The following PTN variants were observed in gnomAD, a reference collection of about 807,000 sequenced individuals.
PTN encodes the protein pleiotrophin, also known as heparin affin regulatory protein.
Under a neutral mutation model 24.1 loss-of-function variants are expected in PTN, and 18 were observed. That is an observed-to-expected ratio of 0.75 (90% CI 0.52 to 1.11). The LOEUF (loss-of-function observed/expected upper bound fraction) is 1.11. Among genes scored for constraint, PTN ranks in the 50% least tolerant of loss-of-function variants. The pLI is 0.00. For missense variants in PTN, 163 were observed against 198.8 expected, an observed-to-expected ratio of 0.82 and a Z score of 1.08; for synonymous variants, 78 against 68.6, an observed-to-expected ratio of 1.14 and a Z score of -0.67.
intron 1 of PTN, among the ~76,000 whole-genome samples, chr7:137,315,605 T>C (rs1266609726): frequency 6.6e-6 from 1 of 152,182 alleles, no homozygotes; most frequent in Non-Finnish European, 1.5e-5. Flanking sequence ...AGGGGAGATC[T>C]AGCCGGATTC....
chr7:137,248,988 G>A (rs890530023), intron 4 of PTN, among the ~76,000 whole-genome samples: 1 of 151,986 alleles, frequency 6.6e-6, no homozygotes, highest in Non-Finnish European at 1.5e-5. Flanking sequence ...CAAGCTGAAA[G>A]CCTGAAACAA....
chr7:137,251,166 G>C, intron 4 of PTN, 64 bp downstream of exon 4: 1 of 1,550,246 alleles, frequency 6.5e-7, no homozygotes, highest in Admixed American at 1.7e-5. Context: ...GAAAATGTGG[G>C]TTTTCCAGAT....
rs1810296261 is a variant in PTN, at chr7:137,328,359, ATCAC to A, written c.-2+15076_-2+15079del. ...CAAGGCTCATGTAAAGGAATGACCT[ATCAC>A]TCACAACAGGCTGCAGGGCATGGAG... On this transcript the variant is annotated intron_variant, in intron 1 of 4. Transcript: ENST00000348225. 3.3e-5 allele frequency among the ~76,000 whole-genome samples: 5 copies of A among 152,336 alleles called. No homozygotes were observed. In the South Asian group the frequency reaches 1.0e-3, roughly 32 times the overall value.
At chr7:137,296,973 A>C (rs1029115962) in intron 1 of PTN, among the ~76,000 whole-genome samples, 2 of 152,074 alleles carry the variant, frequency 1.3e-5, no homozygotes, top group African/African-American at 2.4e-5. Context: ...TTGAATGCAC[A>C]AAAGATTCAA....
intron 1 of PTN, among the ~76,000 whole-genome samples, chr7:137,295,692 T>C (rs953341609): frequency 1.3e-5 from 2 of 152,112 alleles, no homozygotes; most frequent in African/African-American, 4.8e-5. Flanking sequence ...CATCTGTTTA[T>C]TTTTCCTTTT....
intron 1 of PTN, among the ~76,000 whole-genome samples, chr7:137,275,212 T>C (rs1313247147): frequency 6.6e-6 from 1 of 152,164 alleles, no homozygotes; most frequent in Non-Finnish European, 1.5e-5. Flanking sequence ...GGTTTAGACT[T>C]TGATAAGTAA....
chr7:137,274,492 C>A (rs1022364086), intron 1 of PTN, among the ~76,000 whole-genome samples: 1 of 151,986 alleles, frequency 6.6e-6, no homozygotes, highest in Non-Finnish European at 1.5e-5. Flanking sequence ...AGGTATTTCT[C>A]CTAATGTTGT....
chr7:137,335,719 T>C (rs1214657046), intron 1 of PTN, among the ~76,000 whole-genome samples: 3 of 152,174 alleles, frequency 2.0e-5, no homozygotes, highest in African/African-American at 7.2e-5. Flanking sequence ...GTGACTGGTA[T>C]GAACATGAAA....
chr7:137,266,538 CA>C (rs1266514614), intron 1 of PTN, among the ~76,000 whole-genome samples: 3 of 151,950 alleles, frequency 2.0e-5, no homozygotes, highest in South Asian at 2.1e-4. Context: ...TTATTACAAA[CA>C]TTTTTTTTTA....
chr7:137,233,367 A>G lies in PTN; in HGVS notation c.452-5292T>C, dbSNP rs951967030. Among the ~76,000 whole-genome samples, 16 of 151,952 alleles carry G rather than the reference A, an allele frequency of 1.1e-4. No homozygotes were observed. In the East Asian group the frequency reaches 2.9e-3, roughly 28 times the overall value. ...GGATAATAAAACCTATATCCTCCTC[A>G]GAGGGCCAGTGTTAGTATCATGTGA... is the stretch of plus-strand genomic sequence containing the variant. On this transcript the variant is annotated intron_variant, in intron 4 of 4. Coordinates refer to ENST00000348225, the MANE Select transcript of PTN (RefSeq NM_002825.7).
chr7:137,277,191 A>G (rs1809374679), intron 1 of PTN, among the ~76,000 whole-genome samples: 1 of 152,234 alleles, frequency 6.6e-6, no homozygotes, highest in Admixed American at 6.5e-5. Context: ...AAAGACGCCC[A>G]GTGCTATTAG....
chr7:137,324,890 T>C (rs1366760161), intron 1 of PTN: 1 of 152,174 alleles, frequency 6.6e-6, no homozygotes, highest in African/African-American at 2.4e-5. Flanking sequence ...AAATATTACA[T>C]GGATGTTAGC....
chr7:137,322,846 T>C (rs1288582840), intron 1 of PTN, among the ~76,000 whole-genome samples: 1 of 152,184 alleles, frequency 6.6e-6, no homozygotes, highest in Non-Finnish European at 1.5e-5. Flanking sequence ...AATCCAAGAA[T>C]CCATTAAAGT....
At chr7:137,304,857 A>G (rs1050124616) in intron 1 of PTN, among the ~76,000 whole-genome samples, 1 of 152,040 alleles carries the variant, frequency 6.6e-6, no homozygotes, top group African/African-American at 2.4e-5. Context: ...GACAGAAAAA[A>G]GGCATTTGCT....
chr7:137,312,338 G>A (rs1809995893), intron 1 of PTN, among the ~76,000 whole-genome samples: 1 of 152,202 alleles, frequency 6.6e-6, no homozygotes, highest in African/African-American at 2.4e-5. Flanking sequence ...TGCTTTACTT[G>A]CTTTTCTACC....
intron 1 of PTN, among the ~76,000 whole-genome samples, chr7:137,293,601 GACTTT>G (rs1809674279): frequency 6.6e-6 from 1 of 152,020 alleles, no homozygotes. Context: ...CTCATGTCCT[GACTTT>G]ACTTTTTTTA....
chr7:137,276,763 A>G (rs1318335369), intron 1 of PTN, among the ~76,000 whole-genome samples: 1 of 152,172 alleles, frequency 6.6e-6, no homozygotes, highest in East Asian at 1.9e-4. Flanking sequence ...ATACCAGTGC[A>G]CAGAGAACTT....
intron 1 of PTN, among the ~76,000 whole-genome samples, chr7:137,263,485 G>A (rs955737458): frequency 8.5e-5 from 13 of 152,166 alleles, no homozygotes; most frequent in South Asian, 2.1e-4. Context: ...GTTTCTTGCC[G>A]GGCCAGAATA....
chr7:137,247,699 G>A (rs1325138928), intron 4 of PTN, among the ~76,000 whole-genome samples: 1 of 152,110 alleles, frequency 6.6e-6, no homozygotes, highest in Admixed American at 6.5e-5. Context: ...TGAGGGGATG[G>A]ACACTGCATT....
Sources: allele counts gnomAD v4.1 joint callset (sites outside exome capture counted in the v4.1 genomes callset), GRCh38; gene constraint gnomAD v4.1.1; transcripts MANE v1.5; gene names NCBI Gene and HGNC (gene_info 2026-07-23, HGNC 2026-07-21).